Variants in DLG2 observed in about 807,000 individuals in gnomAD.
DLG2 encodes the protein disks large homolog 2.
Under a neutral mutation model 132.5 loss-of-function variants are expected in DLG2, and 45 were observed. The ratio of observed to expected loss-of-function variants is 0.34; its 90% confidence interval spans 0.27 to 0.44. The LOEUF is 0.44. DLG2 is among the 20% of genes least tolerant of loss of function. The pLI is 1.00. For missense variants in DLG2, 1,045 were observed against 1,196.9 expected, an observed-to-expected ratio of 0.87 and a Z score of 1.87; for synonymous variants, 424 against 419.6, an observed-to-expected ratio of 1.01 and a Z score of -0.13.
At chr11:83,846,751 T>C (rs1006083842) in intron 16 of DLG2, among the ~76,000 whole-genome samples, 2 of 151,052 alleles carry the variant, frequency 1.3e-5, no homozygotes, top group Non-Finnish European at 2.9e-5. Context: ...ATAGATCAAT[T>C]AGTTTGATTT....
intron 4 of DLG2, among the ~76,000 whole-genome samples, chr11:85,191,156 A>ACGCG (rs139579513): frequency 1.6e-4 from 19 of 119,144 alleles, no homozygotes; most frequent in African/African-American, 5.5e-4. Flanking sequence ...GCGCGCGCGC[A>ACGCG]CGCGCGCACA....
chr11:83,642,210 T>A (rs2066769565), intron 18 of DLG2, among the ~76,000 whole-genome samples: 1 of 152,228 alleles, frequency 6.6e-6, no homozygotes. Context: ...AGCTAATAAA[T>A]GCTAACGTAA....
In DLG2 at chr11:84,775,403, A is replaced by C. The variant is rs532938678; in HGVS notation, c.358-240672T>G. On this transcript the variant is annotated intron_variant, in intron 6 of 27. Coordinates refer to ENST00000376104, the MANE Select transcript of DLG2 (RefSeq NM_001142699.3). Reference sequence around the variant, plus strand: ...GAACTTAATACAGAACTACTATTCAACCCAGCAGTCGCATTAGTGGGTATA... The same window carrying C: ...GAACTTAATACAGAACTACTATTCACCCCAGCAGTCGCATTAGTGGGTATA... 1.2e-4 allele frequency among the ~76,000 whole-genome samples: 19 copies of C among 152,284 alleles called. No individual in the cohort carries two copies. The East Asian group carries it at 3.7e-3, about 29-fold the overall frequency.
At chr11:84,179,075 T>G (rs1336840459) in intron 8 of DLG2, among the ~76,000 whole-genome samples, 1 of 152,024 alleles carries the variant, frequency 6.6e-6, no homozygotes, top group Non-Finnish European at 1.5e-5. Flanking sequence ...GCCATAAATA[T>G]GTGCAAAGAA....
intron 3 of DLG2, among the ~76,000 whole-genome samples, chr11:85,387,985 T>C (rs957885246): frequency 3.3e-5 from 5 of 152,176 alleles, no homozygotes; most frequent in Admixed American, 3.3e-4. Context: ...GCAGAATCCA[T>C]GGGACAGCTG....
At chr11:84,463,516 A>G (rs2099085866) in intron 7 of DLG2, among the ~76,000 whole-genome samples, 1 of 151,154 alleles carries the variant, frequency 6.6e-6, no homozygotes, top group African/African-American at 2.4e-5. Flanking sequence ...GCCTGAGCTC[A>G]ACACCGCTTG....
At chr11:83,476,289 T>A (rs753857781) in intron 22 of DLG2, among the ~76,000 whole-genome samples, 11 of 152,124 alleles carry the variant, frequency 7.2e-5, no homozygotes, top group Non-Finnish European at 1.5e-4. Flanking sequence ...TTACTCTCTG[T>A]GATCTTGACA....
At chr11:85,554,679 G>C (rs998916766) in intron 3 of DLG2, among the ~76,000 whole-genome samples, 1 of 151,866 alleles carries the variant, frequency 6.6e-6, no homozygotes, top group Admixed American at 6.6e-5. Flanking sequence ...GGACTGGGGG[G>C]AGCTGAATTC....
intron 18 of DLG2, among the ~76,000 whole-genome samples, chr11:83,781,099 GTAGAACAAAACTC>G (rs1369620351): frequency 6.6e-6 from 1 of 152,164 alleles, no homozygotes; most frequent in Non-Finnish European, 1.5e-5. Context: ...ACAACATTTA[GTAGAACAAAACTC>G]TAGAATAATT....
chr11:85,036,078 C>T (rs1346048772), intron 6 of DLG2, among the ~76,000 whole-genome samples: 2 of 152,142 alleles, frequency 1.3e-5, no homozygotes, highest in African/African-American at 4.8e-5. Context: ...TTAGTCTTAG[C>T]TTCCTTATGC....
intron 18 of DLG2, among the ~76,000 whole-genome samples, chr11:83,727,473 T>C (rs1199032764): frequency 2.0e-5 from 3 of 152,168 alleles, no homozygotes; most frequent in Non-Finnish European, 2.9e-5. Context: ...CAGGTGCCCT[T>C]GGACTGTGAG....
intron 18 of DLG2, among the ~76,000 whole-genome samples, chr11:83,772,337 G>C (rs2094428327): frequency 6.6e-6 from 1 of 151,892 alleles, no homozygotes; most frequent in Non-Finnish European, 1.5e-5. Flanking sequence ...TTGAGCCTGG[G>C]AGGTGGAAGT....
chr11:83,991,237 T>C (rs1034728970), intron 11 of DLG2, among the ~76,000 whole-genome samples: 13 of 152,296 alleles, frequency 8.5e-5, no homozygotes, highest in South Asian at 2.1e-4. Flanking sequence ...AAGAAGTGAT[T>C]CTGCTTAAAA....
chr11:85,186,703 A>G (rs1041214698), intron 4 of DLG2, among the ~76,000 whole-genome samples: 4 of 152,124 alleles, frequency 2.6e-5, no homozygotes, highest in Non-Finnish European at 4.4e-5. Flanking sequence ...CCTATCATGG[A>G]GAATTGCCTG....
At chr11:84,572,771 A>C (rs1483110106) in intron 6 of DLG2, among the ~76,000 whole-genome samples, 1 of 152,152 alleles carries the variant, frequency 6.6e-6, no homozygotes, top group Non-Finnish European at 1.5e-5. Flanking sequence ...CAAGAAAAAA[A>C]AAACAGGCTT....
At chr11:83,484,290 C>A in intron 21 of DLG2, 62 bp from the exon 22 acceptor site, 1 of 1,193,978 alleles carries the variant, frequency 8.4e-7, no homozygotes, top group Admixed American at 1.9e-5. Flanking sequence ...CACACTCATG[C>A]TGACAAAACA....
intron 17 of DLG2, among the ~76,000 whole-genome samples, chr11:83,806,233 CTCT>C (rs1439808087): frequency 6.6e-6 from 1 of 152,114 alleles, no homozygotes; most frequent in Non-Finnish European, 1.5e-5. Flanking sequence ...TCCTTCTTTA[CTCT>C]TTTATTATTA....
At chr11:85,371,460 A>T (rs566330959) in intron 3 of DLG2, among the ~76,000 whole-genome samples, 1 of 152,300 alleles carries the variant, frequency 6.6e-6, no homozygotes, top group South Asian at 2.1e-4. Context: ...TATTCTTATG[A>T]CAATATAGTT....
At chr11:83,639,591 A>G (rs563871197) in intron 18 of DLG2, among the ~76,000 whole-genome samples, 1 of 141,140 alleles carries the variant, frequency 7.1e-6, no homozygotes, top group South Asian at 2.5e-4. Context: ...GGAACATCAC[A>G]TACCGGGGCC....
Sources: allele counts gnomAD v4.1 joint callset (sites outside exome capture counted in the v4.1 genomes callset), GRCh38; gene constraint gnomAD v4.1.1; transcripts MANE v1.5; gene names NCBI Gene and HGNC (gene_info 2026-07-23, HGNC 2026-07-21).